HMCES: variants seen among roughly 807,000 people sequenced by gnomAD.
HMCES encodes the protein abasic site processing protein HMCES.
HMCES carries 27 observed loss-of-function variants against 35.1 expected under a neutral mutation model. That is an observed-to-expected ratio of 0.77 (90% CI 0.57 to 1.06). The LOEUF is 1.06. Among genes scored for constraint, HMCES ranks in the 50% least tolerant of loss-of-function variants. The pLI is 0.00. For synonymous variants in HMCES, 130 were observed against 154.7 expected, an observed-to-expected ratio of 0.84 and a Z score of 1.18; for missense variants, 391 against 430.4, an observed-to-expected ratio of 0.91 and a Z score of 0.81.
intron 4 of HMCES, among the ~76,000 whole-genome samples, chr3:129,296,313 G>C (rs1410350332): frequency 6.6e-6 from 1 of 152,030 alleles, no homozygotes. Context: ...TGCCTGCCTT[G>C]GCCTCCCAGA....
chr3:129,284,627 G>A (rs769581030), intron 2 of HMCES, among the ~76,000 whole-genome samples: 2 of 152,128 alleles, frequency 1.3e-5, no homozygotes, highest in African/African-American at 4.8e-5. Context: ...AGAATTGGCC[G>A]GGCGCAGTGG....
intron 4 of HMCES, among the ~76,000 whole-genome samples, chr3:129,292,738 C>T (rs1209893109): frequency 6.6e-6 from 1 of 152,086 alleles, no homozygotes; most frequent in Non-Finnish European, 1.5e-5. Context: ...CCCGCCTCGG[C>T]CTCCCAAAGT....
chr3:129,288,564 G>T (rs1023581218), intron 2 of HMCES, among the ~76,000 whole-genome samples: 11 of 149,626 alleles, frequency 7.4e-5, no homozygotes, highest in Admixed American at 1.3e-4. Context: ...GTATGGGGGG[G>T]CGTGTGTCTA....
At chr3:129,290,640 G>C (rs754746517) in intron 3 of HMCES, 39 bp from the exon 4 acceptor site, 1 of 1,582,730 alleles carries the variant, frequency 6.3e-7, no homozygotes, top group South Asian at 1.1e-5. Flanking sequence ...AAACATGATT[G>C]TATCACTAAG....
In HMCES at chr3:129,288,946, C is replaced by A. The variant is rs751883957; in HGVS notation, c.276C>A (p.Phe92Leu). Residue 92 changes from phenylalanine to leucine, a missense_variant, in exon 3 of 7, where the codon TTC (phenylalanine) becomes TTA (leucine). Phe to Leu is a conservative substitution (Grantham distance 22). Coordinates refer to ENST00000383463, the MANE Select transcript of HMCES (RefSeq NM_020187.3). ...AAAGTGATCCTTCCAAGCTGCAGTT[C>A]AATACTACCAACTGTCGTAGTGATA... ...FKESDPSKLQ[F>L]NTTNCRSDTV... 2 of 1,601,180 alleles carry A rather than the reference C, an allele frequency of 1.2e-6. No individual in the cohort carries two copies. The highest frequency in any genetic ancestry group is 1.7e-6 in the Non-Finnish European group (2 of 1,169,896).
intron 3 of HMCES, 43 bp from the exon 4 acceptor site, chr3:129,290,636 G>C (rs1412435542): frequency 1.3e-6 from 2 of 1,584,676 alleles, no homozygotes; most frequent in East Asian, 2.3e-5. Context: ...TGTGAAACAT[G>C]ATTGTATCAC....
At chr3:129,295,158 CAA>C (rs77238172) in intron 4 of HMCES, among the ~76,000 whole-genome samples, 19 of 64,642 alleles carry the variant, frequency 2.9e-4, no homozygotes, top group Admixed American at 9.1e-4. Context: ...GACTCCATCT[CAA>C]AAAAAAAAAA....
chr3:129,299,645 C>CTGCT (rs1479997281), intron 5 of HMCES, among the ~76,000 whole-genome samples: 2 of 125,330 alleles, frequency 1.6e-5, no homozygotes, highest in African/African-American at 5.9e-5. Flanking sequence ...CTTATAGGTG[C>CTGCT]TTCTTTTTTT....
chr3:129,297,511 C>T (rs183605161), intron 4 of HMCES, among the ~76,000 whole-genome samples: 29 of 152,186 alleles, frequency 1.9e-4, no homozygotes, highest in African/African-American at 6.3e-4. Flanking sequence ...GGATGGCTTC[C>T]TCCAGGCTCC....
chr3:129,290,623 GC>G, intron 3 of HMCES, 55 bp from the exon 4 acceptor site: 1 of 1,565,138 alleles, frequency 6.4e-7, no homozygotes, highest in Non-Finnish European at 8.7e-7. Context: ...AGTAATGGCA[GC>G]CTGTGAAACA....
chr3:129,288,862 C>T lies in HMCES; in HGVS notation c.192C>T (p.Asp64=). The change falls in exon 3 of 7, where the codon GAC becomes GAT. Residue 64 remains aspartate (D), a synonymous_variant. Coordinates refer to ENST00000383463, the MANE Select transcript of HMCES (RefSeq NM_020187.3). ...TCTTCTCTCCGTGGCAGGATGCAGACTCATCTGAGCGTATCATTGCTCCCA... is the reference window on the plus strand; with the variant it reads ...TCTTCTCTCCGTGGCAGGATGCAGATTCATCTGAGCGTATCATTGCTCCCA... ...LSRLHFEKDA[D]SSERIIAPMR... The T allele has an allele frequency of 6.5e-7, 1 of 1,536,328 alleles. No homozygotes were observed. The highest frequency in any genetic ancestry group is 1.4e-5 in the African/African-American group (1 of 73,972).
At chr3:129,287,041 G>T (rs1940656084) in intron 2 of HMCES, among the ~76,000 whole-genome samples, 1 of 152,176 alleles carries the variant, frequency 6.6e-6, no homozygotes, top group Non-Finnish European at 1.5e-5. Flanking sequence ...AAAGGACGCA[G>T]AATAGAATCA....
intron 4 of HMCES, among the ~76,000 whole-genome samples, chr3:129,294,554 G>A (rs967761651): frequency 1.3e-5 from 2 of 152,162 alleles, no homozygotes; most frequent in African/African-American, 4.8e-5. Flanking sequence ...TATTCTCCCA[G>A]TTCCTCCTGT....
In HMCES at chr3:129,304,872, C is replaced by A; in HGVS notation, c.*47C>A. ...GGCCAGGGTCTGCTGCACTGCTGTT[C>A]TGATAATAGGTTCTTAACATTGTAT... is the stretch of plus-strand genomic sequence containing the variant. On this transcript the variant is annotated 3_prime_UTR_variant, in exon 7 of 7. Coordinates refer to ENST00000383463, the MANE Select transcript of HMCES (RefSeq NM_020187.3). The A allele has an allele frequency of 7.1e-7, 1 of 1,409,950 alleles. No homozygotes were observed. The highest frequency in any genetic ancestry group is 1.2e-5 in the South Asian group (1 of 86,618). The allele number at this position is 1,409,950 out of a possible 1,614,324, so 87.3% of individuals were successfully genotyped here. A position where few individuals can be genotyped will look rare whatever the true frequency, so the allele number is the denominator to read the frequency against.
Position 129,305,147 on chromosome 3 carries a change from G to A in HMCES, c.*322G>A. ...AGCTGGGAAGTCTCTGCCCTGATCT[G>A]GTACTCCTTGTAGTAAGCTGTTTTC... On this transcript the variant is annotated 3_prime_UTR_variant, in exon 7 of 7. Transcript: ENST00000383463. The A allele has an allele frequency of 3.0e-6, 1 of 327,870 alleles. No individual in the cohort carries two copies. Among genetic ancestry groups the A allele is most frequent in the Non-Finnish European group, 5.6e-6 (1 of 179,134 alleles). The allele number at this position is 327,870 out of a possible 1,614,324, so 20.3% of individuals were successfully genotyped here. A position where few individuals can be genotyped will look rare whatever the true frequency, so the allele number is the denominator to read the frequency against.
At chr3:129,289,722 T>G (rs1473705107) in intron 3 of HMCES, among the ~76,000 whole-genome samples, 1 of 151,940 alleles carries the variant, frequency 6.6e-6, no homozygotes, top group Non-Finnish European at 1.5e-5. Context: ...CCAAATTCAG[T>G]GTGGGAGGTG....
Position 129,279,836 on chromosome 3 carries a change from C to T in HMCES, c.104C>T (p.Pro35Leu). The T allele has an allele frequency of 1.2e-6, 2 of 1,613,580 alleles. No individual in the cohort carries two copies. The highest frequency in any genetic ancestry group is 1.7e-6 in the Non-Finnish European group (2 of 1,179,832). ...GQQRLPEWRD[P>L]DKYCPSYNKS... ...CAGCGGCTCCCGGAGTGGAGGGACC[C>T]TGATAAGTACTGCCCCTCTTACAAC... The change falls in exon 2 of 7, where the codon CCT becomes CTT. Residue 35 changes from proline to leucine, a missense_variant. Transcript: ENST00000383463. This position sits in a 1 kb window ranked among gnomAD's most constrained non-coding sequence, Gnocchi z 4.2.
chr3:129,297,822 G>A (rs1207270714), intron 4 of HMCES, among the ~76,000 whole-genome samples: 2 of 152,122 alleles, frequency 1.3e-5, no homozygotes, highest in Non-Finnish European at 2.9e-5. Context: ...ATGAGTTTAA[G>A]AAAAGTTATA....
chr3:129,285,438 T>TA (rs1237378326), intron 2 of HMCES, among the ~76,000 whole-genome samples: 1 of 152,006 alleles, frequency 6.6e-6, no homozygotes, highest in African/African-American at 2.4e-5. Context: ...TCCAACCTCA[T>TA]AAGTAGCAGA....
Sources: allele counts gnomAD v4.1 joint callset (sites outside exome capture counted in the v4.1 genomes callset), GRCh38; gene constraint gnomAD v4.1.1; non-coding constraint Gnocchi (gnomAD v3.1); transcripts MANE v1.5; gene names NCBI Gene and HGNC (gene_info 2026-07-23, HGNC 2026-07-21).